LMBRD1: variants seen among roughly 807,000 people sequenced by gnomAD.
LMBRD1 encodes LMBR1 domain containing 1.
Under a neutral mutation model 74.8 loss-of-function variants are expected in LMBRD1, and 64 were observed. The ratio of observed to expected loss-of-function variants is 0.86; its 90% CI spans 0.70 to 1.05. LMBRD1 has a LOEUF of 1.05. Ranked by LOEUF, LMBRD1 falls within the 50% of genes least tolerant of loss-of-function variation. The pLI, the probability that LMBRD1 is intolerant of heterozygous loss-of-function variation, is 0.00. For missense variants in LMBRD1, 652 were observed against 645.9 expected, an observed-to-expected ratio of 1.01 and a Z score of -0.10; for synonymous variants, 204 against 216.3, an observed-to-expected ratio of 0.94 and a Z score of 0.50.
rs906048905 is a variant in LMBRD1 at position 69,770,485 on chromosome 6, TG to T, written c.307+10008del. Among the ~76,000 whole-genome samples, 33 of 152,318 alleles carry T rather than the reference TG, an allele frequency of 2.2e-4. 1 individual carries two copies. Among genetic ancestry groups the T allele is most frequent in the Admixed American group, 2.0e-3 (31 of 15,294 alleles). ...GTCCAACTTCATATTTGTTTTCTGG[TG>T]AGAGAATCTGCCAATTTTCAAACTT... is the stretch of plus-strand genomic sequence containing the variant. On this transcript the variant is annotated intron_variant, in intron 3 of 15. Transcript: ENST00000649934.
chr6:69,697,562 C>T lies in LMBRD1; in HGVS notation c.1417+1G>A. 1.9e-6 allele frequency: 3 copies of T among 1,593,614 alleles called. No homozygotes were observed. The highest frequency in any genetic ancestry group is 2.6e-6 in the Non-Finnish European group (3 of 1,162,240). On this transcript the variant is annotated splice_donor_variant, in intron 14 of 15. Coordinates refer to ENST00000649934, the MANE Select transcript of LMBRD1 (RefSeq NM_018368.4). LOFTEE classifies it high-confidence loss of function. ...TAAGTTCTAAAACAAGCTGTTTTTACCTTCAGGAGCATCTGCATCACATCT... is the reference window on the plus strand; with the variant it reads ...TAAGTTCTAAAACAAGCTGTTTTTATCTTCAGGAGCATCTGCATCACATCT...
chr6:69,758,344 C>A (rs1765309223), intron 3 of LMBRD1, among the ~76,000 whole-genome samples: 1 of 152,118 alleles, frequency 6.6e-6, no homozygotes, highest in Admixed American at 6.5e-5. Context: ...TCTGGGAATT[C>A]TAAAAGCCTT....
intron 7 of LMBRD1, among the ~76,000 whole-genome samples, chr6:69,730,571 G>T (rs1353464448): frequency 6.6e-6 from 1 of 152,062 alleles, no homozygotes; most frequent in African/African-American, 2.4e-5. Flanking sequence ...GTCGCTACAT[G>T]CACATTCACA....
intron 3 of LMBRD1, among the ~76,000 whole-genome samples, chr6:69,760,571 A>G (rs897532967): frequency 2.6e-5 from 4 of 152,226 alleles, no homozygotes; most frequent in Admixed American, 1.3e-4. Context: ...AAAGATGTTG[A>G]TATTTGCAAG....
At chr6:69,772,791 G>A (rs914007469) in intron 3 of LMBRD1, among the ~76,000 whole-genome samples, 21 of 152,114 alleles carry the variant, frequency 1.4e-4, no homozygotes, top group African/African-American at 4.8e-4. Flanking sequence ...TATTAGAGAT[G>A]TTTTCAAAAC....
chr6:69,794,506 T>C (rs1183669200), intron 1 of LMBRD1, among the ~76,000 whole-genome samples: 2 of 152,258 alleles, frequency 1.3e-5, no homozygotes, highest in Non-Finnish European at 2.9e-5. Flanking sequence ...CCATTTTTAC[T>C]TGAAAGAACA....
chr6:69,739,802 A>AT (rs60397804), intron 6 of LMBRD1, among the ~76,000 whole-genome samples: 5 of 151,670 alleles, frequency 3.3e-5, no homozygotes, highest in African/African-American at 9.7e-5. Context: ...CATATAAAGC[A>AT]TTTTTTTTAA....
At chr6:69,771,913 T>TA (rs1765585308) in intron 3 of LMBRD1, among the ~76,000 whole-genome samples, 1 of 152,176 alleles carries the variant, frequency 6.6e-6, no homozygotes, top group Middle Eastern at 3.4e-3. Context: ...AGATTCTAGA[T>TA]AAATTTTGAA....
intron 9 of LMBRD1, chr6:69,705,516 A>G (rs1766233087): frequency 1.6e-6 from 2 of 1,271,130 alleles, no homozygotes; most frequent in Non-Finnish European, 2.2e-6. Flanking sequence ...TGATCTTGGT[A>G]TTGATGATGG....
In LMBRD1 at chr6:69,745,253, CTT is replaced by C. The variant is rs142539708; in HGVS notation, c.474-3378_474-3377del. Among the ~76,000 whole-genome samples, 277 of 137,944 alleles carry C rather than the reference CTT, an allele frequency of 2.0e-3. 1 individual carries two copies. The highest frequency in any genetic ancestry group is 6.6e-3 in the African/African-American group (244 of 36,764). 90.5% of individuals were successfully genotyped at this position (137,944 alleles called of 152,430 possible). ...CCGGGTAGGACAAAATTAAAAATTT[CTT>C]TTTTTTTTTTTTTTGAGACGGAGTC... is the stretch of plus-strand genomic sequence containing the variant. On this transcript the variant is annotated intron_variant, in intron 5 of 15. Transcript: ENST00000649934.
intron 2 of LMBRD1, among the ~76,000 whole-genome samples, chr6:69,788,683 T>C (rs960355365): frequency 3.3e-5 from 5 of 152,194 alleles, no homozygotes; most frequent in Middle Eastern, 3.2e-3. Context: ...CCAGTAAAAT[T>C]AGTCATTTTC....
At chr6:69,698,956 T>TA in intron 13 of LMBRD1, 87 bp downstream of exon 13, 1 of 891,996 alleles carries the variant, frequency 1.1e-6, no homozygotes, top group Non-Finnish European at 1.8e-6. Context: ...GCTAATATCT[T>TA]ATGCTAACCA....
chr6:69,790,599 GCCCACTAT>G, intron 1 of LMBRD1, 127 bp from the exon 2 acceptor site: 2 of 906,876 alleles, frequency 2.2e-6, no homozygotes, highest in Non-Finnish European at 3.5e-6. Flanking sequence ...TGTAAGGAAA[GCCCACTAT>G]CCCTTAAAAA....
intron 14 of LMBRD1, among the ~76,000 whole-genome samples, chr6:69,687,015 C>G (rs1765777757): frequency 6.6e-6 from 1 of 152,204 alleles, no homozygotes; most frequent in Admixed American, 6.5e-5. Flanking sequence ...CTATATACAA[C>G]ACAGTAGTCA....
chr6:69,726,883 G>A (rs1008684152), intron 7 of LMBRD1, among the ~76,000 whole-genome samples: 5 of 152,196 alleles, frequency 3.3e-5, no homozygotes, highest in African/African-American at 1.2e-4. Flanking sequence ...GCTGGGCAAG[G>A]TGGCACATGC....
At chr6:69,721,889 T>G (rs12208525) in intron 7 of LMBRD1, among the ~76,000 whole-genome samples, 8 of 152,104 alleles carry the variant, frequency 5.3e-5, no homozygotes, top group Non-Finnish European at 1.2e-4. Context: ...AGAAGAGCCC[T>G]TGGGCTTTAA....
At chr6:69,782,515 C>T in intron 2 of LMBRD1, among the ~76,000 whole-genome samples, 1 of 152,098 alleles carries the variant, frequency 6.6e-6, no homozygotes, top group East Asian at 1.9e-4. Flanking sequence ...AGGTGGATTG[C>T]TTGAGGTCAG....
At chr6:69,727,353 TAA>T (rs920670354) in intron 7 of LMBRD1, among the ~76,000 whole-genome samples, 29 of 152,234 alleles carry the variant, frequency 1.9e-4, no homozygotes, top group African/African-American at 6.8e-4. Context: ...AAATAATTTT[TAA>T]AAGTGTTCCA....
At chr6:69,726,117 A>C (rs1766729176) in intron 7 of LMBRD1, among the ~76,000 whole-genome samples, 1 of 152,212 alleles carries the variant, frequency 6.6e-6, no homozygotes, top group Non-Finnish European at 1.5e-5. Context: ...CAAATGACAG[A>C]CAAATGAAAA....
Sources: allele counts gnomAD v4.1 joint callset (sites outside exome capture counted in the v4.1 genomes callset), GRCh38; gene constraint gnomAD v4.1.1; transcripts MANE v1.5; gene names NCBI Gene and HGNC (gene_info 2026-07-23, HGNC 2026-07-21).